Variants in COL4A3 observed in about 807,000 individuals in gnomAD.
COL4A3 encodes the protein collagen alpha-3(IV) chain.
COL4A3 carries 135 observed loss-of-function variants against 217.4 expected under a neutral mutation model. That is an observed-to-expected ratio of 0.62 (90% CI 0.54 to 0.72). The LOEUF (loss-of-function observed/expected upper bound fraction) is 0.72, where lower values mean the gene tolerates loss of function less well. COL4A3 is among the 30% of genes least tolerant of loss of function. The probability of loss-of-function intolerance (pLI) is 0.00; values close to 1 mark genes in which losing one functional copy is unlikely to be tolerated. For synonymous variants in COL4A3, 690 were observed against 736.3 expected (o/e 0.94, Z 1.02); for missense variants, 1,868 against 2,119.9 (o/e 0.88, Z 2.33).
chr2:227,307,606 A>G (rs1486136812), intron 47 of COL4A3, 104 bp from the exon 48 acceptor site: 1 of 1,003,242 alleles, frequency 1.0e-6, no homozygotes, highest in African/African-American at 1.6e-5. Flanking sequence ...ATTGCTTTCA[A>G]TTTATGGGCT....
chr2:227,290,193 A>G lies in COL4A3; in HGVS notation c.3070+105A>G. The G allele has an allele frequency of 7.0e-6, 8 of 1,140,420 alleles. No homozygotes were observed. In the South Asian group the frequency reaches 7.7e-5, roughly 11 times the overall value. The allele number at this position is 1,140,420 out of a possible 1,614,324, so 70.6% of individuals were successfully genotyped here. A position where few individuals can be genotyped will look rare whatever the true frequency, so the allele number is the denominator to read the frequency against. On this transcript the variant is annotated intron_variant, in intron 36 of 51. Coordinates refer to ENST00000396578, the MANE Select transcript of COL4A3 (RefSeq NM_000091.5). Reference sequence around the variant, plus strand: ...TGGTTTTCCACTTGGTAGAAAGCTTATATTAAAAAACTAGATTTGCGGGGC... The same window carrying G: ...TGGTTTTCCACTTGGTAGAAAGCTTGTATTAAAAAACTAGATTTGCGGGGC...
At chr2:227,208,278 G>T (rs1056029920) in intron 1 of COL4A3, among the ~76,000 whole-genome samples, 4 of 152,142 alleles carry the variant, frequency 2.6e-5, no homozygotes, top group Non-Finnish European at 2.9e-5. Flanking sequence ...TAACAAATTA[G>T]CTACAAGATG....
chr2:227,271,500 T>G (rs2071242994), intron 25 of COL4A3, among the ~76,000 whole-genome samples: 1 of 145,082 alleles, frequency 6.9e-6, no homozygotes, highest in Non-Finnish European at 1.5e-5. Context: ...GAGAGGGAGT[T>G]TTGCTCTTGT....
intron 37 of COL4A3, among the ~76,000 whole-genome samples, chr2:227,292,482 T>C (rs534692431): frequency 6.6e-6 from 1 of 152,350 alleles, no homozygotes; most frequent in East Asian, 1.9e-4. Flanking sequence ...GAACTGTGCA[T>C]TGAACACAAA....
rs746604076 is a variant in COL4A3 at position 227,289,191 on chromosome 2, C to G, written c.2923C>G (p.Pro975Ala). 4 of 1,613,706 alleles carry G rather than the reference C, an allele frequency of 2.5e-6. No homozygotes were observed. The highest frequency in any genetic ancestry group is 3.3e-5 in the Admixed American group (2 of 59,942). The part of the protein sequence containing the change: ...NPGEKGNRGV[P>A]GMPGLKGLKG... ...AGGTGAGAAAGGAAACAGAGGCGTT[C>G]CAGGGATGCCAGGTTTAAAGGGCCT... Residue 975 changes from proline (P) to alanine (A), a missense_variant, in exon 35 of 52, where the codon CCA becomes GCA. Transcript: ENST00000396578.
rs1455779034 is a variant in COL4A3 at position 227,266,991 on chromosome 2, A to G, written c.1409-2A>G. On this transcript the variant is annotated splice_acceptor_variant, in intron 22 of 51. Transcript: ENST00000396578. LOFTEE classifies it high-confidence loss of function. ...AGTAATGCTAGTATGCTCTCATTGC[A>G]GGAGAACCAGGCCTCCTGTGTACAC... 3 of 1,610,024 alleles carry G rather than the reference A, an allele frequency of 1.9e-6. No homozygotes were observed. In the South Asian group the frequency reaches 3.3e-5, roughly 18 times the overall value.
chr2:227,295,233 G>A, intron 40 of COL4A3, 36 bp from the exon 41 acceptor site: 2 of 1,606,650 alleles, frequency 1.2e-6, no homozygotes, highest in East Asian at 4.5e-5. Flanking sequence ...TAATGAAATT[G>A]ACCAATTATT....
At chr2:227,295,203 T>C in intron 40 of COL4A3, 66 bp from the exon 41 acceptor site, 1 of 1,570,162 alleles carries the variant, frequency 6.4e-7, no homozygotes, top group East Asian at 2.2e-5. Flanking sequence ...GTACTAAACT[T>C]TTCTCATAGA....
chr2:227,223,521 G>A (rs1224892335), intron 1 of COL4A3, among the ~76,000 whole-genome samples: 1 of 151,956 alleles, frequency 6.6e-6, no homozygotes, highest in Non-Finnish European at 1.5e-5. Flanking sequence ...ATCACCTGAG[G>A]TCAGGAGTTC....
intron 23 of COL4A3, 39 bp downstream of exon 23, chr2:227,267,127 A>G (rs746570902): frequency 5.9e-5 from 84 of 1,424,734 alleles, no homozygotes; most frequent in Non-Finnish European, 8.3e-5. Context: ...TGCAAGCACA[A>G]AAGGGTCAAT....
chr2:227,238,224 T>C (rs958176596), intron 2 of COL4A3, 200 bp downstream of exon 2: 1 of 459,646 alleles, frequency 2.2e-6, no homozygotes, highest in South Asian at 2.3e-5. Flanking sequence ...AGATACCTTG[T>C]ATATACAATG....
In COL4A3 at chr2:227,253,524, TG is replaced by T; in HGVS notation, c.688-36del. On this transcript the variant is annotated intron_variant, in intron 12 of 51. Coordinates refer to ENST00000396578, the MANE Select transcript of COL4A3 (RefSeq NM_000091.5). This position sits in a 1 kb window ranked among gnomAD's most constrained non-coding sequence, Gnocchi z 4.4. ...AGTAACATTGAAATGTTGATGCTGT[TG>T]TTTATTTTCTCACTCCTGAGTGTTT... The T allele has an allele frequency of 6.4e-7, 1 of 1,551,012 alleles. No individual in the cohort carries two copies. The highest frequency in any genetic ancestry group is 8.9e-7 in the Non-Finnish European group (1 of 1,122,572).
rs1168872602 is a variant in COL4A3, at chr2:227,276,447, C to T, written c.1990C>T (p.Pro664Ser). ...VPGPPGPPGPPGHPGPQGPPG... is the reference protein window; with the variant it reads ...VPGPPGPPGPSGHPGPQGPPG... Reference sequence around the variant, plus strand: ...AGGCCCACCAGGACCTCCAGGGCCCCCTGGCCATCCTGGCCCCCAAGGTCC... The same window carrying T: ...AGGCCCACCAGGACCTCCAGGGCCCTCTGGCCATCCTGGCCCCCAAGGTCC... The change falls in exon 27 of 52, where the codon CCT (proline) becomes TCT (serine). Residue 664 changes from proline to serine, a missense_variant. Around this residue, in one of 2 missense-constraint regions of COL4A3, gnomAD observed 1,503 missense variants for 1,786.1 expected, o/e 0.84. Transcript: ENST00000396578. The T allele has an allele frequency of 1.2e-6, 2 of 1,614,172 alleles. No homozygotes were observed. Among genetic ancestry groups the T allele is most frequent in the Admixed American group, 1.7e-5 (1 of 60,034 alleles).
At chr2:227,166,291 A>C (rs1242585346) in intron 1 of COL4A3, among the ~76,000 whole-genome samples, 2 of 152,258 alleles carry the variant, frequency 1.3e-5, no homozygotes, top group Non-Finnish European at 2.9e-5. Context: ...TTTAAATGCT[A>C]CTAGGCATGA....
chr2:227,172,716 A>G (rs960933743), intron 1 of COL4A3, among the ~76,000 whole-genome samples: 5 of 149,834 alleles, frequency 3.3e-5, no homozygotes, highest in African/African-American at 1.2e-4. Context: ...CCTTTCCAGT[A>G]GCTGGGACTT....
At chr2:227,197,934 C>A (rs944319664) in intron 1 of COL4A3, among the ~76,000 whole-genome samples, 1 of 152,214 alleles carries the variant, frequency 6.6e-6, no homozygotes, top group Non-Finnish European at 1.5e-5. Context: ...GTCAGCCTGG[C>A]AGTCTCTCTC....
chr2:227,309,421 C>T lies in COL4A3; in HGVS notation c.4755+103C>T, dbSNP rs372677927. 2.0e-4 allele frequency: 174 copies of T among 850,348 alleles called. No individual in the cohort carries two copies. The East Asian group carries it at 2.9e-3, about 14-fold the overall frequency. 52.7% of individuals were successfully genotyped at this position (850,348 alleles called of 1,614,324 possible). ...CCCAGGGTCGATGCTGCCTGCTGTC[C>T]GTGTGTGCAACATGCCATAGACATT... On this transcript the variant is annotated intron_variant, in intron 50 of 51. Transcript: ENST00000396578.
intron 1 of COL4A3, among the ~76,000 whole-genome samples, chr2:227,205,710 A>ATTTTTTTTTT (rs398105402): frequency 1.8e-3 from 265 of 149,662 alleles, no homozygotes; most frequent in Non-Finnish European, 3.0e-3. Flanking sequence ...TTCAACAAAT[A>ATTTTTTTTTT]TTTTTTTTTT....
chr2:227,182,180 AT>A (rs1349962081), intron 1 of COL4A3, among the ~76,000 whole-genome samples: 7 of 152,344 alleles, frequency 4.6e-5, no homozygotes, highest in Non-Finnish European at 8.8e-5. Context: ...ACAAATAAAT[AT>A]GGAATTTACA....
Sources: gnomAD v4.1 joint callset for allele counts (sites outside exome capture counted in the v4.1 genomes callset) on GRCh38, gnomAD v4.1.1 for gene constraint, gnomAD v4.1.1 regional missense constraint, Gnocchi (gnomAD v3.1) non-coding constraint, MANE v1.5 for transcripts, NCBI Gene and HGNC (gene_info 2026-07-23, HGNC 2026-07-21) for gene names.